Variants in RBFOX1 observed in about 807,000 individuals in gnomAD.
The protein encoded by RBFOX1 is RNA binding fox-1 homolog 1, also known as RNA binding protein fox-1 homolog 1.
A neutral mutation model predicts 57.7 loss-of-function variants in RBFOX1; 8 were observed. That is an observed-to-expected ratio of 0.14 (90% CI 0.08 to 0.25). The LOEUF (loss-of-function observed/expected upper bound fraction) is 0.25. Among genes scored for constraint, RBFOX1 ranks in the 10% least tolerant of loss-of-function variants. The pLI is 1.00. For synonymous variants in RBFOX1, 326 were observed against 222.4 expected, an observed-to-expected ratio of 1.47 and a Z score of -4.15; for missense variants, 611 against 548.5, an observed-to-expected ratio of 1.11 and a Z score of -1.14.
chr16:7,265,594 A>T (rs547181756), intron 4 of RBFOX1, among the ~76,000 whole-genome samples: 1 of 151,404 alleles, frequency 6.6e-6, no homozygotes, highest in Non-Finnish European at 1.5e-5. Context: ...GATTACAGGC[A>T]CCCACCACCA....
In RBFOX1 at chr16:5,893,776, A is replaced by T. The variant is rs149208252; in HGVS notation, c.351+26441A>T. Among the ~76,000 whole-genome samples, 10 of 151,758 alleles carry T rather than the reference A, an allele frequency of 6.6e-5. No individual in the cohort carries two copies. The East Asian group carries it at 1.9e-3, about 29-fold the overall frequency. On this transcript the variant is annotated intron_variant, in intron 4 of 19. Transcript: ENST00000641259. ...AGCCAAGATTGCGCCACTGCACTCCAGCCTGGGTGACAGAGCAAGACTCCA... is the reference window on the plus strand; with the variant it reads ...AGCCAAGATTGCGCCACTGCACTCCTGCCTGGGTGACAGAGCAAGACTCCA...
chr16:5,926,698 A>C (rs113252681), intron 4 of RBFOX1, among the ~76,000 whole-genome samples: 2 of 152,338 alleles, frequency 1.3e-5, no homozygotes, highest in African/African-American at 4.8e-5. Flanking sequence ...TGGGGTCTGC[A>C]AACATTTTTA....
intron 2 of RBFOX1, among the ~76,000 whole-genome samples, chr16:6,608,635 C>G (rs1885502067): frequency 6.6e-6 from 1 of 152,144 alleles, no homozygotes; most frequent in Admixed American, 6.5e-5. Flanking sequence ...CAAAAATTAA[C>G]TAGTCATGGC....
intron 4 of RBFOX1, among the ~76,000 whole-genome samples, chr16:7,206,182 C>G (rs1267539443): frequency 6.6e-6 from 1 of 152,106 alleles, no homozygotes; most frequent in Non-Finnish European, 1.5e-5. Context: ...TCAGTAGAAA[C>G]AGACTCATAA....
At chr16:7,312,217 T>C (rs1363693923) in intron 4 of RBFOX1, among the ~76,000 whole-genome samples, 3 of 152,140 alleles carry the variant, frequency 2.0e-5, no homozygotes, top group Non-Finnish European at 4.4e-5. Context: ...CTGTCTCTAC[T>C]AAAAATACAA....
At chr16:6,313,050 T>C (rs12920024) in intron 1 of RBFOX1, among the ~76,000 whole-genome samples, 48,481 of 151,930 alleles carry the variant, frequency 0.32, 8,172 homozygotes, top group Middle Eastern at 0.41. Flanking sequence ...GAAGCAGCAA[T>C]GCACTGGAGT....
intron 1 of RBFOX1, among the ~76,000 whole-genome samples, chr16:5,365,556 C>A (rs528031124): frequency 9.8e-5 from 15 of 152,304 alleles, no homozygotes; most frequent in African/African-American, 3.6e-4. Context: ...GTAGTCCCAG[C>A]TACTTGGGAG....
intron 1 of RBFOX1, among the ~76,000 whole-genome samples, chr16:5,333,011 C>A (rs2064798379): frequency 6.6e-6 from 1 of 152,058 alleles, no homozygotes; most frequent in Non-Finnish European, 1.5e-5. Flanking sequence ...TGTGGTGAAA[C>A]CCTGTCTCTA....
intron 2 of RBFOX1, among the ~76,000 whole-genome samples, chr16:5,566,672 GTATATATGTGTA>G (rs2046083868): frequency 1.9e-5 from 1 of 52,130 alleles, no homozygotes; most frequent in Non-Finnish European, 3.2e-5. Flanking sequence ...GTATATGTGT[GTATATATGTGTA>G]TATATATATA....
intron 3 of RBFOX1, among the ~76,000 whole-genome samples, chr16:6,682,815 G>C (rs1049164932): frequency 1.6e-5 from 2 of 129,018 alleles, no homozygotes; most frequent in South Asian, 4.8e-4. Context: ...AGCTTAATCA[G>C]AATTGAAAAC....
At chr16:5,984,683 C>T (rs2060245900) in intron 4 of RBFOX1, among the ~76,000 whole-genome samples, 1 of 152,046 alleles carries the variant, frequency 6.6e-6, no homozygotes, top group Non-Finnish European at 1.5e-5. Flanking sequence ...CTGAGAAGTG[C>T]ATCGTTAGGG....
intron 3 of RBFOX1, among the ~76,000 whole-genome samples, chr16:6,956,073 G>C (rs1232158149): frequency 1.3e-5 from 2 of 152,086 alleles, no homozygotes; most frequent in African/African-American, 2.4e-5. Context: ...CCTTTAGTGA[G>C]TTACCTTCCC....
intron 4 of RBFOX1, among the ~76,000 whole-genome samples, chr16:7,212,408 C>T (rs914686747): frequency 6.6e-6 from 1 of 152,082 alleles, no homozygotes; most frequent in African/African-American, 2.4e-5. Flanking sequence ...TTATTAGCAA[C>T]CCCTCTTTCC....
intron 3 of RBFOX1, among the ~76,000 whole-genome samples, chr16:5,847,752 G>A (rs1032550172): frequency 2.0e-5 from 3 of 151,938 alleles, no homozygotes; most frequent in Admixed American, 2.0e-4. Flanking sequence ...TCACTCTCTC[G>A]GTCCGTGCAA....
chr16:6,738,795 A>C (rs2071206114), intron 3 of RBFOX1, among the ~76,000 whole-genome samples: 1 of 152,184 alleles, frequency 6.6e-6, no homozygotes, highest in Non-Finnish European at 1.5e-5. Flanking sequence ...GGTCTCTGAC[A>C]ACAGTAGAAT....
At chr16:7,519,821 A>T (rs147190139) in intron 5 of RBFOX1, 2 of 716,118 alleles carry the variant, frequency 2.8e-6, no homozygotes, top group African/African-American at 3.9e-5. Context: ...AAAAGAAAAC[A>T]CTGACTAACT....
At chr16:6,932,321 G>A (rs1370572286) in intron 3 of RBFOX1, among the ~76,000 whole-genome samples, 1 of 152,106 alleles carries the variant, frequency 6.6e-6, no homozygotes, top group Admixed American at 6.5e-5. Context: ...TGGCCAAGCT[G>A]GTCTCAAACT....
At chr16:7,052,204 C>G (rs953784952) in intron 4 of RBFOX1, 106 bp downstream of exon 4, 1 of 1,460,422 alleles carries the variant, frequency 6.8e-7, no homozygotes, top group Admixed American at 2.8e-5. Flanking sequence ...CAGGCTTCAT[C>G]TTAAGACTGG....
intron 4 of RBFOX1, among the ~76,000 whole-genome samples, chr16:5,957,541 A>C (rs1248627560): frequency 1.3e-5 from 2 of 152,170 alleles, no homozygotes; most frequent in Non-Finnish European, 2.9e-5. Context: ...TCTAATTGTT[A>C]TATCAGGAGG....
Sources: allele counts gnomAD v4.1 joint callset (sites outside exome capture counted in the v4.1 genomes callset), GRCh38; gene constraint gnomAD v4.1.1; transcripts MANE v1.5; gene names NCBI Gene and HGNC (gene_info 2026-07-23, HGNC 2026-07-21).